The following CFAP221 variants were observed in gnomAD, a reference collection of about 807,000 sequenced individuals.
CFAP221 encodes the protein cilia- and flagella-associated protein 221.
CFAP221 carries 97 observed loss-of-function variants against 113.1 expected under a neutral mutation model. The ratio of observed to expected loss-of-function variants is 0.86; its 90% CI spans 0.73 to 1.02. The LOEUF (loss-of-function observed/expected upper bound fraction) is 1.02, where lower values mean the gene tolerates loss of function less well. Ranked by LOEUF, CFAP221 falls within the 50% of genes least tolerant of loss-of-function variation. CFAP221 has a pLI of 0.00. For synonymous variants in CFAP221, 331 were observed against 354.4 expected, an observed-to-expected ratio of 0.93 and a Z score of 0.74; for missense variants, 1,025 against 1,013.4, an observed-to-expected ratio of 1.01 and a Z score of -0.16.
intron 6 of CFAP221, among the ~76,000 whole-genome samples, chr2:119,563,972 T>G (rs1214329577): frequency 6.6e-6 from 1 of 152,156 alleles, no homozygotes; most frequent in Non-Finnish European, 1.5e-5. Context: ...GAGATTTTAA[T>G]CCACTCAGTA....
intron 6 of CFAP221, among the ~76,000 whole-genome samples, chr2:119,565,146 C>T (rs916518066): frequency 6.6e-6 from 1 of 152,172 alleles, no homozygotes; most frequent in Non-Finnish European, 1.5e-5. Context: ...GCAAGAACTC[C>T]ACCACAGTAC....
chr2:119,648,411 T>C, intron 22 of CFAP221: 1 of 263,666 alleles, frequency 3.8e-6, no homozygotes, highest in Non-Finnish European at 8.7e-6. Context: ...TATTTTTAAA[T>C]TTTGATTTTT....
chr2:119,604,671 G>A lies in CFAP221; in HGVS notation c.792-1G>A, dbSNP rs987616842. 2 of 1,554,554 alleles carry A rather than the reference G, an allele frequency of 1.3e-6. No individual in the cohort carries two copies. Among genetic ancestry groups the A allele is most frequent in the Non-Finnish European group, 1.7e-6 (2 of 1,157,882 alleles). On this transcript the variant is annotated splice_acceptor_variant, in intron 8 of 23. Transcript: ENST00000413369. LOFTEE classifies it high-confidence loss of function. ...AATTTAACACTTGTTTTAACCTATA[G>A]ATTAGAAGAGTTTGAAAGGTTGAAT... is the stretch of plus-strand genomic sequence containing the variant.
chr2:119,637,883 G>T (rs1048822714), intron 19 of CFAP221, among the ~76,000 whole-genome samples: 5 of 152,132 alleles, frequency 3.3e-5, no homozygotes, highest in Non-Finnish European at 7.4e-5. Context: ...AAAAGCAGAA[G>T]CTTATTTGCT....
intron 6 of CFAP221, among the ~76,000 whole-genome samples, chr2:119,583,873 AG>A (rs1374930911): frequency 6.6e-6 from 1 of 152,210 alleles, no homozygotes; most frequent in East Asian, 1.9e-4. Context: ...TGAACCAGGA[AG>A]TGGGCCTGCA....
chr2:119,599,499 C>A (rs918141797), intron 7 of CFAP221, among the ~76,000 whole-genome samples: 1 of 152,118 alleles, frequency 6.6e-6, no homozygotes, highest in African/African-American at 2.4e-5. Flanking sequence ...TAGGAGAAGG[C>A]AGATGGTAAA....
intron 8 of CFAP221, chr2:119,602,880 C>A: frequency 3.2e-6 from 2 of 625,336 alleles, no homozygotes; most frequent in Non-Finnish European, 4.0e-6. Flanking sequence ...TGTGCTTTTA[C>A]ATGCACGACA....
chr2:119,639,005 T>C (rs1355750248), intron 20 of CFAP221, among the ~76,000 whole-genome samples: 2 of 152,016 alleles, frequency 1.3e-5, no homozygotes, highest in African/African-American at 4.8e-5. Flanking sequence ...TTCTGTTTTA[T>C]GGACTTTGTG....
intron 20 of CFAP221, 66 bp from the exon 21 acceptor site, chr2:119,639,715 A>G: frequency 7.6e-7 from 1 of 1,308,768 alleles, no homozygotes; most frequent in Non-Finnish European, 1.1e-6. Flanking sequence ...GTTGAATAAA[A>G]CAAAAGTCCT....
At chr2:119,577,612 C>T (rs1371125) in intron 6 of CFAP221, among the ~76,000 whole-genome samples, 2,343 of 152,234 alleles carry the variant, frequency 0.015, 62 homozygotes, top group Admixed American at 0.068. Context: ...ACCATGTGAC[C>T]TTGGACCTCT....
At chr2:119,625,904 G>A in intron 15 of CFAP221, 1 of 537,472 alleles carries the variant, frequency 1.9e-6, no homozygotes, top group Non-Finnish European at 3.3e-6. Context: ...TGATTGACTG[G>A]CTGAATATGG....
intron 6 of CFAP221, chr2:119,580,276 A>C (rs1360491618): frequency 6.6e-6 from 1 of 152,166 alleles, no homozygotes; most frequent in African/African-American, 2.4e-5. Flanking sequence ...AATCCTATGA[A>C]GTTTTCATTT....
chr2:119,555,276 C>T (rs1680710019), intron 3 of CFAP221, among the ~76,000 whole-genome samples: 1 of 151,976 alleles, frequency 6.6e-6, no homozygotes, highest in Non-Finnish European at 1.5e-5. Context: ...AACAGGGACC[C>T]CCAGGCCAGC....
chr2:119,591,347 G>T (rs1191494541), intron 7 of CFAP221, among the ~76,000 whole-genome samples: 1 of 152,160 alleles, frequency 6.6e-6, no homozygotes, highest in East Asian at 1.9e-4. Context: ...ACACACTGAA[G>T]AAGTCAGGAA....
chr2:119,641,818 A>G lies in CFAP221; in HGVS notation c.2225+1946A>G, dbSNP rs73948916. Among the ~76,000 whole-genome samples, 21 of 152,310 alleles carry G rather than the reference A, an allele frequency of 1.4e-4. No individual in the cohort carries two copies. The South Asian group carries it at 4.3e-3, about 32-fold the overall frequency. ...TTTTGCTGCGGGGTGAGGATGCTTC[A>G]GAACTGACCTATGCAGTCAGTAAAC... On this transcript the variant is annotated intron_variant, in intron 21 of 23. Transcript: ENST00000413369.
chr2:119,588,528 A>G (rs1386486515), intron 7 of CFAP221, among the ~76,000 whole-genome samples: 2 of 152,220 alleles, frequency 1.3e-5, no homozygotes, highest in Admixed American at 1.3e-4. Flanking sequence ...AGGGTACTAT[A>G]TAGATAATAA....
At chr2:119,584,040 T>G (rs956900576) in intron 6 of CFAP221, among the ~76,000 whole-genome samples, 1 of 152,112 alleles carries the variant, frequency 6.6e-6, no homozygotes, top group East Asian at 1.9e-4. Context: ...TTAACCAAAA[T>G]GTATAAGCTC....
chr2:119,611,576 G>A (rs962670055), intron 12 of CFAP221, 77 bp from the exon 13 acceptor site: 47 of 1,352,302 alleles, frequency 3.5e-5, no homozygotes, highest in Non-Finnish European at 4.4e-5. Context: ...TGCTTAATGG[G>A]TTTCTACAAG....
intron 7 of CFAP221, among the ~76,000 whole-genome samples, chr2:119,592,714 C>A (rs1396401959): frequency 2.0e-5 from 3 of 152,208 alleles, no homozygotes; most frequent in African/African-American, 7.2e-5. Flanking sequence ...GACAGTGTCT[C>A]TCTGCTGTCT....
Sources: allele counts gnomAD v4.1 joint callset (sites outside exome capture counted in the v4.1 genomes callset), GRCh38; gene constraint gnomAD v4.1.1; transcripts MANE v1.5; gene names NCBI Gene and HGNC (gene_info 2026-07-23, HGNC 2026-07-21).